Variants in CNBD1 observed in about 807,000 individuals in gnomAD.
The protein encoded by CNBD1 is cyclic nucleotide binding domain containing 1, also known as cyclic nucleotide-binding domain-containing protein 1.
In CNBD1, 71 loss-of-function variants were observed where a neutral mutation model predicts 54.4. The ratio of observed to expected loss-of-function variants is 1.30; its 90% CI spans 1.08 to 1.59. The LOEUF (loss-of-function observed/expected upper bound fraction) is 1.59. Among genes scored for constraint, CNBD1 ranks in the 40% most tolerant of loss-of-function variants. The pLI is 0.00. For synonymous variants in CNBD1, 182 were observed against 170.7 expected, an observed-to-expected ratio of 1.07 and a Z score of -0.51; for missense variants, 659 against 518.0, an observed-to-expected ratio of 1.27 and a Z score of -2.64.
At chr8:86,959,170 A>T (rs1443057626) in intron 4 of CNBD1, among the ~76,000 whole-genome samples, 2 of 152,174 alleles carry the variant, frequency 1.3e-5, no homozygotes, top group Admixed American at 6.5e-5. Context: ...AATGTTGAAT[A>T]TTGGCCTCCA....
At chr8:87,337,657 A>T (rs1809975101) in intron 8 of CNBD1, among the ~76,000 whole-genome samples, 1 of 152,170 alleles carries the variant, frequency 6.6e-6, no homozygotes, top group African/African-American at 2.4e-5. Context: ...TGGAAAAACC[A>T]CAGTTTTCCA....
At chr8:87,375,483 CTT>C in intron 10 of CNBD1, among the ~76,000 whole-genome samples, 1 of 151,808 alleles carries the variant, frequency 6.6e-6, no homozygotes, top group Non-Finnish European at 1.5e-5. Context: ...TTATCAGTGA[CTT>C]TACTGAGAAA....
chr8:87,089,694 T>C (rs1392555554), intron 4 of CNBD1, among the ~76,000 whole-genome samples: 2 of 152,084 alleles, frequency 1.3e-5, no homozygotes, highest in African/African-American at 2.4e-5. Context: ...TTATAAAGAA[T>C]TGAGGGGTAA....
chr8:87,267,186 A>T (rs537094471), intron 6 of CNBD1, among the ~76,000 whole-genome samples: 1 of 152,208 alleles, frequency 6.6e-6, no homozygotes, highest in African/African-American at 2.4e-5. Context: ...ATTACAAAAT[A>T]TATAAATTGG....
intron 2 of CNBD1, among the ~76,000 whole-genome samples, chr8:86,904,035 T>C (rs756423453): frequency 1.7e-4 from 26 of 152,052 alleles, no homozygotes; most frequent in Non-Finnish European, 2.5e-4. Flanking sequence ...TGAAATAAGA[T>C]TTTTAAAGTC....
chr8:87,117,398 C>CAAAAAAA (rs57622902), intron 4 of CNBD1, among the ~76,000 whole-genome samples: 1 of 107,234 alleles, frequency 9.3e-6, no homozygotes, highest in Non-Finnish European at 1.8e-5. Context: ...GATTCCGTCT[C>CAAAAAAA]AAAAAAAAAA....
chr8:86,983,290 C>A (rs1399869789), intron 4 of CNBD1, among the ~76,000 whole-genome samples: 1 of 152,162 alleles, frequency 6.6e-6, no homozygotes, highest in Non-Finnish European at 1.5e-5. Context: ...TCACCTTCTG[C>A]CATGATTGAG....
chr8:87,361,248 A>T (rs2130936740), intron 10 of CNBD1, among the ~76,000 whole-genome samples: 1 of 152,082 alleles, frequency 6.6e-6, no homozygotes, highest in African/African-American at 2.4e-5. Flanking sequence ...ATACATGTTA[A>T]ATTTTAAAAA....
chr8:87,042,859 TATA>T (rs1374053292), intron 4 of CNBD1, among the ~76,000 whole-genome samples: 8 of 152,144 alleles, frequency 5.3e-5, no homozygotes, highest in Non-Finnish European at 7.4e-5. Context: ...ATTGTATAGA[TATA>T]ATTTTAATCT....
intron 4 of CNBD1, among the ~76,000 whole-genome samples, chr8:87,094,757 G>A (rs1811283679): frequency 6.6e-6 from 1 of 152,152 alleles, no homozygotes; most frequent in African/African-American, 2.4e-5. Context: ...TAATTTATGG[G>A]CCAGGTGCAG....
At chr8:87,155,362 T>G (rs1812692744) in intron 4 of CNBD1, among the ~76,000 whole-genome samples, 1 of 152,148 alleles carries the variant, frequency 6.6e-6, no homozygotes, top group Admixed American at 6.5e-5. Context: ...TTTGACGGCT[T>G]AGATAGCAGT....
chr8:87,281,387 G>A (rs1808594008), intron 6 of CNBD1, among the ~76,000 whole-genome samples: 2 of 151,056 alleles, frequency 1.3e-5, no homozygotes, highest in South Asian at 4.2e-4. Context: ...AGCCTGACAT[G>A]TATGCTTGCA....
chr8:87,306,221 A>G (rs1809140796), intron 8 of CNBD1, among the ~76,000 whole-genome samples: 1 of 152,126 alleles, frequency 6.6e-6, no homozygotes, highest in Non-Finnish European at 1.5e-5. Context: ...TCACTCCTGC[A>G]AGAGTAGCCA....
At chr8:87,311,577 C>T (rs1254056546) in intron 8 of CNBD1, among the ~76,000 whole-genome samples, 1 of 151,936 alleles carries the variant, frequency 6.6e-6, no homozygotes, top group Non-Finnish European at 1.5e-5. Flanking sequence ...CTAATAAACC[C>T]AACAATCCAA....
chr8:87,238,546 G>T (rs1010377741), intron 6 of CNBD1, among the ~76,000 whole-genome samples: 1 of 152,008 alleles, frequency 6.6e-6, no homozygotes, highest in Non-Finnish European at 1.5e-5. Flanking sequence ...CTCCATCAGG[G>T]CCCTAGCCTT....
intron 1 of CNBD1, among the ~76,000 whole-genome samples, chr8:86,885,272 C>G (rs1295481661): frequency 6.6e-6 from 1 of 152,110 alleles, no homozygotes; most frequent in Non-Finnish European, 1.5e-5. Flanking sequence ...AACATTCAAA[C>G]AAAACATTGG....
intron 2 of CNBD1, among the ~76,000 whole-genome samples, chr8:87,401,377 G>T (rs556009429): frequency 6.6e-6 from 1 of 151,978 alleles, no homozygotes; most frequent in East Asian, 1.9e-4. Flanking sequence ...CCCATATATG[G>T]CCACAAAGGA....
chr8:87,077,830 G>T (rs1810906800), intron 4 of CNBD1, among the ~76,000 whole-genome samples: 1 of 151,970 alleles, frequency 6.6e-6, no homozygotes, highest in South Asian at 2.1e-4. Context: ...ATGGACATTT[G>T]GGTTGGTTCC....
At chr8:87,159,464 T>C (rs1812811950) in intron 4 of CNBD1, among the ~76,000 whole-genome samples, 1 of 152,142 alleles carries the variant, frequency 6.6e-6, no homozygotes. Flanking sequence ...GTAGAGCTCT[T>C]GCGATAGCTC....
Sources: allele counts gnomAD v4.1 joint callset (sites outside exome capture counted in the v4.1 genomes callset), GRCh38; gene constraint gnomAD v4.1.1; transcripts MANE v1.5; gene names NCBI Gene and HGNC (gene_info 2026-07-23, HGNC 2026-07-21).